The following EPS15L1 variants were observed in gnomAD, a reference collection of about 807,000 sequenced individuals.
EPS15L1 encodes epidermal growth factor receptor pathway substrate 15 like 1, also known as epidermal growth factor receptor substrate 15-like 1.
EPS15L1 carries 43 observed loss-of-function variants against 117.1 expected under a neutral mutation model. That is an observed-to-expected ratio of 0.37 (90% confidence interval 0.29 to 0.47). The LOEUF is 0.47. EPS15L1 is among the 20% of genes least tolerant of loss of function. The pLI, the probability that EPS15L1 is intolerant of heterozygous loss-of-function variation, is 0.99. For synonymous variants in EPS15L1, 459 were observed against 470.5 expected, an observed-to-expected ratio of 0.98 and a Z score of 0.32; for missense variants, 981 against 1,164.0, an observed-to-expected ratio of 0.84 and a Z score of 2.29.
intron 14 of EPS15L1, 38 bp from the exon 15 acceptor site, chr19:16,403,968 A>G (rs1055583714): frequency 1.9e-6 from 3 of 1,568,524 alleles, no homozygotes; most frequent in Non-Finnish European, 2.6e-6. Context: ...AGAGATTCAC[A>G]GTGCAGGATG....
chr19:16,374,940 G>A (rs1043435162), intron 22 of EPS15L1, among the ~76,000 whole-genome samples: 25 of 152,220 alleles, frequency 1.6e-4, no homozygotes, highest in Admixed American at 3.3e-4. Context: ...TCATGTATAT[G>A]TTCACATGTG....
At chr19:16,460,613 G>T (rs1468433151) in intron 1 of EPS15L1, among the ~76,000 whole-genome samples, 1 of 152,208 alleles carries the variant, frequency 6.6e-6, no homozygotes, top group Non-Finnish European at 1.5e-5. Flanking sequence ...ACCTTGCCCA[G>T]CCCATCAGCA....
intron 9 of EPS15L1, among the ~76,000 whole-genome samples, chr19:16,422,299 G>A (rs1022888681): frequency 6.6e-6 from 1 of 152,180 alleles, no homozygotes; most frequent in Non-Finnish European, 1.5e-5. Context: ...GGCACTCAGG[G>A]GCAGGCCCCT....
intron 16 of EPS15L1, among the ~76,000 whole-genome samples, chr19:16,396,820 G>C (rs528803916): frequency 8.5e-5 from 13 of 152,174 alleles, no homozygotes; most frequent in Non-Finnish European, 1.5e-4. Flanking sequence ...GAAGAACCTT[G>C]AGGAGAGGCT....
At chr19:16,467,626 C>T (rs2093316243) in intron 1 of EPS15L1, among the ~76,000 whole-genome samples, 1 of 152,118 alleles carries the variant, frequency 6.6e-6, no homozygotes, top group Non-Finnish European at 1.5e-5. Context: ...TCTAAAACTT[C>T]GTTCTCATCA....
chr19:16,392,461 T>C (rs1191470309), intron 18 of EPS15L1, 21 bp from the exon 19 acceptor site: 2 of 1,611,294 alleles, frequency 1.2e-6, no homozygotes, highest in East Asian at 2.2e-5. Flanking sequence ...AAATGCCCCA[T>C]AAGTAAACAT....
chr19:16,407,543 C>G (rs1275828758), intron 13 of EPS15L1, among the ~76,000 whole-genome samples: 1 of 152,124 alleles, frequency 6.6e-6, no homozygotes, highest in Non-Finnish European at 1.5e-5. Flanking sequence ...CCAGGCTGGT[C>G]TTGAACTCCT....
At chr19:16,465,136 T>C (rs1028412034) in intron 1 of EPS15L1, among the ~76,000 whole-genome samples, 1 of 151,632 alleles carries the variant, frequency 6.6e-6, no homozygotes, top group Non-Finnish European at 1.5e-5. Flanking sequence ...AGTTTACAAA[T>C]TTGTGTTGGG....
chr19:16,392,501 A>G, intron 18 of EPS15L1, 61 bp from the exon 19 acceptor site: 1 of 1,465,644 alleles, frequency 6.8e-7, no homozygotes. Flanking sequence ...CAGACATAAA[A>G]GAACACATCA....
intron 1 of EPS15L1, among the ~76,000 whole-genome samples, chr19:16,448,186 C>T (rs983855036): frequency 6.6e-6 from 1 of 152,116 alleles, no homozygotes; most frequent in Non-Finnish European, 1.5e-5. Flanking sequence ...ACCAAAAGCC[C>T]GATTCACAAA....
In EPS15L1 at chr19:16,393,981, G is replaced by C. The variant is rs774569431; in HGVS notation, c.1936C>G (p.Pro646Ala). ...GAAGTTGTCTGCTGTTCTGCAAAGGGGTCATTCTGGAACGGGTCGCCTGGT... is the reference window on the plus strand; with the variant it reads ...GAAGTTGTCTGCTGTTCTGCAAAGGCGTCATTCTGGAACGGGTCGCCTGGT... Reference protein sequence around the residue: ...PFKGDPFQNDPFAEQQTTSTD... With the variant: ...PFKGDPFQNDAFAEQQTTSTD... The change falls in exon 18 of 24, where the codon CCC becomes GCC. Residue 646 changes from proline (P) to alanine (A), a missense_variant. Pro to Ala is a conservative substitution (Grantham distance 27). This residue lies in a region of EPS15L1 where 819 missense variants were observed against 949.0 expected (regional missense o/e 0.86). Transcript: ENST00000455140. The C allele has an allele frequency of 6.2e-7, 1 of 1,614,126 alleles. No homozygotes were observed. The highest frequency in any genetic ancestry group is 1.1e-5 in the South Asian group (1 of 91,078).
chr19:16,413,061 A>G, intron 13 of EPS15L1: 1 of 718,030 alleles, frequency 1.4e-6, no homozygotes. Context: ...CCAGTGCACC[A>G]GGTTCAAGGC....
intron 3 of EPS15L1, 41 bp downstream of exon 3, chr19:16,441,851 G>A (rs1446848476): frequency 1.4e-5 from 21 of 1,523,368 alleles, no homozygotes; most frequent in Non-Finnish European, 1.9e-5. Context: ...GGAGCTGTGA[G>A]GGCAGCCACA....
intron 1 of EPS15L1, among the ~76,000 whole-genome samples, chr19:16,458,110 G>A (rs962161014): frequency 6.6e-6 from 1 of 152,168 alleles, no homozygotes; most frequent in Non-Finnish European, 1.5e-5. Context: ...CTGGCCTCCT[G>A]TCGGGGTGTT....
At chr19:16,414,669 A>G (rs1390778933) in intron 12 of EPS15L1, among the ~76,000 whole-genome samples, 1 of 149,976 alleles carries the variant, frequency 6.7e-6, no homozygotes, top group African/African-American at 2.5e-5. Context: ...AAAGTACTGG[A>G]ATTATAGGCG....
At chr19:16,446,360 C>T (rs892362605) in intron 1 of EPS15L1, among the ~76,000 whole-genome samples, 1 of 152,218 alleles carries the variant, frequency 6.6e-6, no homozygotes, top group Admixed American at 6.5e-5. Context: ...CCCAAACTCT[C>T]ACTCTCACTC....
intron 7 of EPS15L1, among the ~76,000 whole-genome samples, chr19:16,433,413 T>C (rs890621117): frequency 2.0e-5 from 3 of 151,956 alleles, no homozygotes; most frequent in African/African-American, 7.2e-5. Flanking sequence ...ATTACGGGCG[T>C]GAGCCACCGC....
At chr19:16,449,374 A>G (rs886870373) in intron 1 of EPS15L1, among the ~76,000 whole-genome samples, 2 of 152,262 alleles carry the variant, frequency 1.3e-5, no homozygotes, top group African/African-American at 4.8e-5. Flanking sequence ...TAAACGTATG[A>G]AAATATGTTT....
chr19:16,448,479 G>A (rs550625205), intron 1 of EPS15L1, among the ~76,000 whole-genome samples: 25 of 146,324 alleles, frequency 1.7e-4, no homozygotes, highest in African/African-American at 5.4e-4. Context: ...GAGGTGAGCC[G>A]AGATCACACC....
Sources: allele counts gnomAD v4.1 joint callset (sites outside exome capture counted in the v4.1 genomes callset), GRCh38; gene constraint gnomAD v4.1.1; regional missense constraint gnomAD v4.1.1; transcripts MANE v1.5; gene names NCBI Gene and HGNC (gene_info 2026-07-23, HGNC 2026-07-21).